PELI2: variants seen among roughly 807,000 people sequenced by gnomAD.
PELI2 encodes pellino E3 ubiquitin protein ligase family member 2.
A neutral mutation model predicts 42.3 loss-of-function variants in PELI2; 23 were observed. The ratio of observed to expected loss-of-function variants is 0.54; its 90% confidence interval spans 0.39 to 0.77. The LOEUF (loss-of-function observed/expected upper bound fraction) is 0.77, where lower values mean the gene tolerates loss of function less well. Among genes scored for constraint, PELI2 ranks in the 30% least tolerant of loss-of-function variants. The probability of loss-of-function intolerance (pLI) is 0.00; values close to 1 mark genes in which losing one functional copy is unlikely to be tolerated. For synonymous variants in PELI2, 245 were observed against 212.2 expected, an observed-to-expected ratio of 1.15 and a Z score of -1.34; for missense variants, 463 against 553.2, an observed-to-expected ratio of 0.84 and a Z score of 1.64.
chr14:56,125,421 G>T (rs1310419881), intron 1 of PELI2, among the ~76,000 whole-genome samples: 2 of 151,778 alleles, frequency 1.3e-5, no homozygotes, highest in South Asian at 2.1e-4. Flanking sequence ...TGGGCAGGGG[G>T]GGGGTGAATT....
rs541492978 is a variant in PELI2 at position 56,121,939 on chromosome 14, CAG to C, written c.77+3204_77+3205del. ...TTTTTTATGAAGATGTGCGTAAAAA[CAG>C]AATGTTTAAAAAAGTTGTAATGATA... On this transcript the variant is annotated intron_variant, in intron 1 of 5. Coordinates refer to ENST00000267460, the MANE Select transcript of PELI2 (RefSeq NM_021255.3). 2.7e-3 allele frequency among the ~76,000 whole-genome samples: 406 copies of C among 152,260 alleles called. 1 individual carries two copies. The highest frequency in any genetic ancestry group is 9.5e-3 in the African/African-American group (394 of 41,524).
At position 56,190,241 on chromosome 14, in the gene PELI2, C is replaced by G. The variant is rs114184561; in HGVS notation, c.207+11777C>G. Among the ~76,000 whole-genome samples the G allele has an allele frequency of 7.5e-3, 1,149 of 152,248 alleles. 12 individuals are homozygous for G. Among genetic ancestry groups the G allele is most frequent in the African/African-American group, 0.026 (1,096 of 41,526 alleles). ...ATTATTTTACTCTAGTGTCACAAAT[C>G]TAAGAATGTCATTTCTAAAAATTTC... is the stretch of plus-strand genomic sequence containing the variant. On this transcript the variant is annotated intron_variant, in intron 2 of 5. Coordinates refer to ENST00000267460, the MANE Select transcript of PELI2 (RefSeq NM_021255.3).
intron 1 of PELI2, among the ~76,000 whole-genome samples, chr14:56,127,246 G>A (rs1197657993): frequency 6.6e-6 from 1 of 152,162 alleles, no homozygotes; most frequent in East Asian, 1.9e-4. Context: ...CTTTCACCCA[G>A]GAGAGCTAAT....
intron 1 of PELI2, among the ~76,000 whole-genome samples, chr14:56,154,362 C>G (rs1884472039): frequency 6.6e-6 from 1 of 152,144 alleles, no homozygotes; most frequent in Non-Finnish European, 1.5e-5. Context: ...ATTGTAATCT[C>G]CAGGTGCTGA....
chr14:56,167,518 T>C (rs1885006836), intron 1 of PELI2, among the ~76,000 whole-genome samples: 1 of 152,230 alleles, frequency 6.6e-6, no homozygotes, highest in Non-Finnish European at 1.5e-5. Flanking sequence ...CTGCTAGATT[T>C]TTAATTATTT....
intron 2 of PELI2, among the ~76,000 whole-genome samples, chr14:56,227,130 G>A (rs539224259): frequency 3.3e-5 from 5 of 152,188 alleles, no homozygotes. Flanking sequence ...TCCTCTTCCA[G>A]TTGCTCAACA....
chr14:56,217,551 A>G (rs1330445790), intron 2 of PELI2, among the ~76,000 whole-genome samples: 1 of 152,186 alleles, frequency 6.6e-6, no homozygotes, highest in African/African-American at 2.4e-5. Context: ...AGCCTGGGTC[A>G]TTCTTTTCAC....
At chr14:56,170,360 C>G (rs1885122075) in intron 1 of PELI2, among the ~76,000 whole-genome samples, 1 of 152,128 alleles carries the variant, frequency 6.6e-6, no homozygotes, top group South Asian at 2.1e-4. Flanking sequence ...ACCTAGCATC[C>G]CCCTTCTTGC....
rs1595528271 is a variant in PELI2 at position 56,118,412 on chromosome 14, C to T, written c.-249C>T. On this transcript the variant is annotated 5_prime_UTR_variant, in exon 1 of 6. Transcript: ENST00000267460. ...AGGCAGGTCCCCCTGCTGCCGGGTC[C>T]CATTTGTTGCCGGCTCTGACTCGGG... 3 of 274,512 alleles carry T rather than the reference C, an allele frequency of 1.1e-5. No homozygotes were observed. Among genetic ancestry groups the T allele is most frequent in the Non-Finnish European group, 2.0e-5 (3 of 147,912 alleles). The allele number at this position is 274,512 out of a possible 1,614,324, so 17.0% of individuals were successfully genotyped here.
intron 2 of PELI2, among the ~76,000 whole-genome samples, chr14:56,266,882 A>G (rs1297911298): frequency 6.6e-6 from 1 of 152,112 alleles, no homozygotes; most frequent in Non-Finnish European, 1.5e-5. Context: ...GCATCTATAC[A>G]TTAAAAAGAA....
intron 1 of PELI2, among the ~76,000 whole-genome samples, chr14:56,129,438 G>A (rs900463751): frequency 2.6e-5 from 4 of 152,244 alleles, no homozygotes; most frequent in African/African-American, 9.6e-5. Flanking sequence ...GCTGGAACCA[G>A]TGAATGTTTT....
intron 2 of PELI2, among the ~76,000 whole-genome samples, chr14:56,258,342 C>A (rs1351616049): frequency 1.3e-5 from 2 of 150,780 alleles, no homozygotes; most frequent in Admixed American, 6.6e-5. Context: ...TCAAAAATTA[C>A]CAGAAACTCA....
chr14:56,215,935 G>A (rs1412867393), intron 2 of PELI2, among the ~76,000 whole-genome samples: 2 of 152,192 alleles, frequency 1.3e-5, no homozygotes, highest in Non-Finnish European at 2.9e-5. Context: ...ACGTTGTTAT[G>A]TGGTGGAATA....
intron 1 of PELI2, among the ~76,000 whole-genome samples, chr14:56,165,335 C>T (rs1377952543): frequency 9.2e-5 from 14 of 152,114 alleles, no homozygotes; most frequent in Non-Finnish European, 2.1e-4. Context: ...TGTATAGTTT[C>T]CAAAATTTCT....
chr14:56,227,565 A>C (rs1160932373), intron 2 of PELI2, among the ~76,000 whole-genome samples: 1 of 152,252 alleles, frequency 6.6e-6, no homozygotes, highest in Admixed American at 6.5e-5. Flanking sequence ...CAGACATAGA[A>C]ATAAGTATAG....
At chr14:56,138,808 T>C (rs1234019414) in intron 1 of PELI2, among the ~76,000 whole-genome samples, 2 of 152,230 alleles carry the variant, frequency 1.3e-5, no homozygotes, top group African/African-American at 4.8e-5. Context: ...TTCACTCAGC[T>C]TGTGTGAAGT....
chr14:56,219,273 C>T lies in PELI2; in HGVS notation c.207+40809C>T, dbSNP rs1188488092. Among the ~76,000 whole-genome samples the T allele has an allele frequency of 6.6e-6, 1 of 152,034 alleles. No individual in the cohort carries two copies. Among genetic ancestry groups the T allele is most frequent in the Non-Finnish European group, 1.5e-5 (1 of 68,002 alleles). ...AAGAAGACAGAAGGAAGAAGCTCCCCCGTACAGAGACAGATGGGGGCTCCA... is the reference window on the plus strand; with the variant it reads ...AAGAAGACAGAAGGAAGAAGCTCCCTCGTACAGAGACAGATGGGGGCTCCA... On this transcript the variant is annotated intron_variant, in intron 2 of 5. Transcript: ENST00000267460. This position sits in a 1 kb window ranked among gnomAD's most constrained non-coding sequence, Gnocchi z 4.1.
intron 1 of PELI2, among the ~76,000 whole-genome samples, chr14:56,172,026 AAAAG>A (rs993821111): frequency 6.6e-6 from 1 of 152,136 alleles, no homozygotes; most frequent in South Asian, 2.1e-4. Flanking sequence ...AAAAAAAAGA[AAAAG>A]AAAAAAAGAT....
At chr14:56,209,541 ATTTCG>A (rs66651349) in intron 2 of PELI2, among the ~76,000 whole-genome samples, 60,847 of 151,578 alleles carry the variant, frequency 0.4, 12,857 homozygotes, top group South Asian at 0.53. Context: ...TTAATAAAAT[ATTTCG>A]TTTCGTGGTA....
Sources: allele counts gnomAD v4.1 joint callset (sites outside exome capture counted in the v4.1 genomes callset), GRCh38; gene constraint gnomAD v4.1.1; non-coding constraint Gnocchi (gnomAD v3.1); transcripts MANE v1.5; gene names NCBI Gene and HGNC (gene_info 2026-07-23, HGNC 2026-07-21).